INTS8: variants seen among roughly 807,000 people sequenced by gnomAD.
INTS8 encodes the protein protein kaonashi-1.
In INTS8, 47 loss-of-function variants were observed where a neutral mutation model predicts 138.9. The observed-to-expected ratio is 0.34, with a 90% CI of 0.27 to 0.43. INTS8 has a LOEUF of 0.43. INTS8 is among the 20% of genes least tolerant of loss of function. INTS8 has a pLI of 1.00. For missense variants in INTS8, 996 were observed against 1,173.0 expected (o/e 0.85, Z 2.20); for synonymous variants, 392 against 400.9 (o/e 0.98, Z 0.27).
At chr8:94,827,926 T>C (rs1169853666) in intron 4 of INTS8, 133 bp downstream of exon 4, 1 of 767,974 alleles carries the variant, frequency 1.3e-6, no homozygotes, top group African/African-American at 1.7e-5. Context: ...GTGTGAAGGT[T>C]TGTTTGAAGG....
At chr8:94,867,463 G>T in intron 20 of INTS8, 126 bp downstream of exon 20, 11 of 592,044 alleles carry the variant, frequency 1.9e-5, no homozygotes, top group South Asian at 6.9e-5. Context: ...CAGTCTTTGT[G>T]TTTCTCTATT....
At chr8:94,832,906 G>A (rs576735781) in intron 6 of INTS8, among the ~76,000 whole-genome samples, 52 of 152,190 alleles carry the variant, frequency 3.4e-4, no homozygotes, top group Non-Finnish European at 6.6e-4. Context: ...CGCCCGCCTC[G>A]GTCTCCCAAA....
chr8:94,843,231 A>T (rs557365677), intron 10 of INTS8, among the ~76,000 whole-genome samples: 1 of 152,288 alleles, frequency 6.6e-6, no homozygotes, highest in Non-Finnish European at 1.5e-5. Flanking sequence ...TATTTGTGAG[A>T]TTTATTCAAG....
At chr8:94,854,681 T>G (rs1424201626) in intron 14 of INTS8, among the ~76,000 whole-genome samples, 2 of 152,182 alleles carry the variant, frequency 1.3e-5, no homozygotes, top group Admixed American at 1.3e-4. Flanking sequence ...TGAACTAAAA[T>G]TGAGGCTTAA....
chr8:94,842,914 T>C (rs1037102592), intron 10 of INTS8, among the ~76,000 whole-genome samples: 1 of 152,052 alleles, frequency 6.6e-6, no homozygotes. Flanking sequence ...CTCTACTTCT[T>C]TCTTAACAGT....
chr8:94,849,530 A>AAAGT lies in INTS8; in HGVS notation c.1331+4_1331+7dup. On this transcript the variant is annotated frameshift_variant and splice_region_variant, in exon 11 of 27. Transcript: ENST00000523731. LOFTEE classifies it high-confidence loss of function. ...TGAAAGGAAACATGGCTGCTTTTCT[A>AAAGT]AAGTAAGTACCTTTCTTTTCTTTTT... The AAAGT allele has an allele frequency of 6.5e-7, 1 of 1,540,290 alleles. No homozygotes were observed. Among genetic ancestry groups the AAAGT allele is most frequent in the South Asian group, 1.2e-5 (1 of 83,148 alleles).
intron 12 of INTS8, among the ~76,000 whole-genome samples, chr8:94,850,939 G>A (rs1244455967): frequency 6.6e-6 from 1 of 152,122 alleles, no homozygotes; most frequent in Non-Finnish European, 1.5e-5. Context: ...AATTCGATTG[G>A]TTTAACAAAA....
intron 16 of INTS8, among the ~76,000 whole-genome samples, chr8:94,863,947 G>A (rs888211982): frequency 7.2e-5 from 11 of 152,058 alleles, no homozygotes; most frequent in Admixed American, 5.2e-4. Flanking sequence ...TTATTCTCAC[G>A]AGCTTCGGAA....
At chr8:94,826,504 G>C (rs928935750) in intron 2 of INTS8, among the ~76,000 whole-genome samples, 1 of 152,200 alleles carries the variant, frequency 6.6e-6, no homozygotes, top group African/African-American at 2.4e-5. Context: ...TCAACAGATA[G>C]CAATGGGTAC....
intron 4 of INTS8, 105 bp downstream of exon 4, chr8:94,827,898 T>C: frequency 1.1e-6 from 1 of 947,324 alleles, no homozygotes; most frequent in Non-Finnish European, 1.7e-6. Flanking sequence ...AGAGCAGGAA[T>C]AGGAGGGCAG....
chr8:94,881,429 G>GTTTC lies in INTS8; in HGVS notation c.*1199_*1202dup, dbSNP rs1184923150. ...GACATCTTTGTAAACAAGTCCTGCT[G>GTTTC]TTTCTTTAACAGCTAACATAGGAAA... On this transcript the variant is annotated 3_prime_UTR_variant, in exon 27 of 27. Coordinates refer to ENST00000523731, the MANE Select transcript of INTS8 (RefSeq NM_017864.4). The GTTTC allele has an allele frequency of 1.8e-6, 1 of 557,444 alleles. No homozygotes were observed. Among genetic ancestry groups the GTTTC allele is most frequent in the East Asian group, 3.0e-5 (1 of 33,324 alleles). The allele number at this position is 557,444 out of a possible 1,614,324, so 34.5% of individuals were successfully genotyped here. A position where few individuals can be genotyped will look rare whatever the true frequency, so the allele number is the denominator to read the frequency against.
At chr8:94,855,453 C>T (rs1413873796) in intron 14 of INTS8, among the ~76,000 whole-genome samples, 1 of 152,008 alleles carries the variant, frequency 6.6e-6, no homozygotes, top group Non-Finnish European at 1.5e-5. Context: ...CTAGTGGCTG[C>T]CATATTAGAC....
Position 94,824,895 on chromosome 8 carries a change from C to T in INTS8, c.133C>T (p.Pro45Ser), listed in dbSNP as rs772965761. 1 of 1,596,672 alleles carries T rather than the reference C, an allele frequency of 6.3e-7. No individual in the cohort carries two copies. The change falls in exon 2 of 27, where the codon CCT becomes TCT. Residue 45 changes from proline to serine, a missense_variant and splice_region_variant. Transcript: ENST00000523731. ...EKHLRKPCPD[P>S]APVQLIVQFL... ...ATTTATTTTCTTTTAAACCCTAGAT[C>T]CTGCACCAGTTCAACTTATAGTTCA...
Position 94,853,970 on chromosome 8 carries a change from C to T in INTS8, c.1752+55C>T, listed in dbSNP as rs1815649166. The T allele has an allele frequency of 4.5e-6, 5 of 1,112,070 alleles. No homozygotes were observed. In the South Asian group the frequency reaches 6.3e-5, roughly 14 times the overall value. 68.9% of individuals were successfully genotyped at this position (1,112,070 alleles called of 1,614,324 possible). ...TAAGAATATGCTTTATGGTCAGGTG[C>T]CGTGGCTCATACCTGTAATACCAGC... On this transcript the variant is annotated intron_variant, in intron 14 of 26. Transcript: ENST00000523731.
At position 94,823,513 on chromosome 8, in the gene INTS8, C is replaced by A. The variant is rs776651574; in HGVS notation, c.82C>A (p.Leu28Met). ...TPPQTCWFEF[L>M]LEESLLEKHL... The stretch of plus-strand genomic sequence containing the variant: ...GCCGCAGACCTGCTGGTTTGAGTTT[C>A]TGCTGGAGGAGTCACTGTTGGAGAA... Residue 28 changes from leucine to methionine, a missense_variant, in exon 1 of 27, where the codon CTG becomes ATG. Physicochemically the swap from Leu to Met is conservative, Grantham distance 15. Coordinates refer to ENST00000523731, the MANE Select transcript of INTS8 (RefSeq NM_017864.4). The A allele has an allele frequency of 1.3e-6, 2 of 1,570,932 alleles. No individual in the cohort carries two copies. The highest frequency in any genetic ancestry group is 1.7e-4 in the Middle Eastern group (1 of 5,800).
At chr8:94,868,694 A>G (rs1816273718) in intron 20 of INTS8, 1 of 151,460 alleles carries the variant, frequency 6.6e-6, no homozygotes. Flanking sequence ...TTTTTTAGAC[A>G]TCACGTTGCT....
intron 8 of INTS8, among the ~76,000 whole-genome samples, chr8:94,840,789 C>G (rs921221623): frequency 6.6e-5 from 10 of 152,132 alleles, no homozygotes; most frequent in African/African-American, 2.4e-4. Context: ...GAATTCCTGA[C>G]CTCGTGATCC....
chr8:94,824,825 T>A, intron 1 of INTS8, 68 bp from the exon 2 acceptor site: 3 of 321,278 alleles, frequency 9.3e-6, no homozygotes, highest in Non-Finnish European at 1.4e-5. Flanking sequence ...ACCAAACCAA[T>A]AGTGAATCCT....
intron 7 of INTS8, among the ~76,000 whole-genome samples, chr8:94,837,187 TA>T (rs1164574054): frequency 2.0e-5 from 3 of 152,254 alleles, no homozygotes; most frequent in African/African-American, 7.2e-5. Flanking sequence ...TTTTTATTTT[TA>T]TTTTTTTGCT....
Sources: allele counts gnomAD v4.1 joint callset (sites outside exome capture counted in the v4.1 genomes callset), GRCh38; gene constraint gnomAD v4.1.1; transcripts MANE v1.5; gene names NCBI Gene and HGNC (gene_info 2026-07-23, HGNC 2026-07-21).